NKAIN3: variants seen among roughly 807,000 people sequenced by gnomAD.
NKAIN3 encodes the protein sodium/potassium transporting ATPase interacting 3.
In NKAIN3, 25 loss-of-function variants were observed where a neutral mutation model predicts 30.2. The ratio of observed to expected loss-of-function variants is 0.83; its 90% confidence interval spans 0.60 to 1.16. The LOEUF (loss-of-function observed/expected upper bound fraction) is 1.16. Ranked by LOEUF, NKAIN3 falls within the 50% of genes most tolerant of loss-of-function variation. The pLI is 0.00. For missense variants in NKAIN3, 225 were observed against 254.1 expected, an observed-to-expected ratio of 0.89 and a Z score of 0.78; for synonymous variants, 91 against 89.6, an observed-to-expected ratio of 1.02 and a Z score of -0.09.
chr8:62,442,609 T>C (rs903895334), intron 1 of NKAIN3, among the ~76,000 whole-genome samples: 23 of 151,876 alleles, frequency 1.5e-4, no homozygotes, highest in African/African-American at 5.6e-4. Context: ...GCCTTTAATT[T>C]TTTTATTTTC....
intron 4 of NKAIN3, chr8:62,855,709 C>T: frequency 6.3e-7 from 1 of 1,578,744 alleles, no homozygotes; most frequent in Non-Finnish European, 8.7e-7. Context: ...TGAAGCGGAG[C>T]TTCTGAACGA....
At chr8:62,694,808 G>C (rs1374578910) in intron 3 of NKAIN3, among the ~76,000 whole-genome samples, 1 of 152,080 alleles carries the variant, frequency 6.6e-6, no homozygotes, top group African/African-American at 2.4e-5. Context: ...GAAATATGGA[G>C]TAAAGTTCAA....
chr8:62,658,089 C>T (rs1473938536), intron 3 of NKAIN3, among the ~76,000 whole-genome samples: 1 of 152,170 alleles, frequency 6.6e-6, no homozygotes, highest in African/African-American at 2.4e-5. Context: ...TAGATAATCC[C>T]AAGTACTTAT....
At chr8:62,900,792 C>G (rs979310504) in intron 4 of NKAIN3, among the ~76,000 whole-genome samples, 3 of 152,154 alleles carry the variant, frequency 2.0e-5, no homozygotes, top group Admixed American at 1.3e-4. Context: ...AAGGCTCACT[C>G]TAATAGTAGT....
chr8:62,438,481 C>T (rs540322973), intron 1 of NKAIN3, among the ~76,000 whole-genome samples: 1 of 152,304 alleles, frequency 6.6e-6, no homozygotes, highest in East Asian at 1.9e-4. Flanking sequence ...GGAATCACCT[C>T]AGGTTCCCTA....
intron 1 of NKAIN3, among the ~76,000 whole-genome samples, chr8:62,273,331 T>C (rs2129393535): frequency 6.6e-6 from 1 of 152,324 alleles, no homozygotes; most frequent in African/African-American, 2.4e-5. Context: ...TTCAACTTTG[T>C]ATCACCTAAC....
intron 1 of NKAIN3, among the ~76,000 whole-genome samples, chr8:62,539,151 T>G (rs565257476): frequency 6.6e-6 from 1 of 152,328 alleles, no homozygotes; most frequent in East Asian, 1.9e-4. Context: ...ATTCTCACAT[T>G]GGTGCTGGAA....
chr8:62,782,947 G>A (rs1383930388), intron 4 of NKAIN3, among the ~76,000 whole-genome samples: 1 of 151,734 alleles, frequency 6.6e-6, no homozygotes, highest in Non-Finnish European at 1.5e-5. Flanking sequence ...AAGAGGACTT[G>A]AAATGATATC....
intron 4 of NKAIN3, among the ~76,000 whole-genome samples, chr8:62,752,698 C>A (rs996944953): frequency 2.6e-5 from 4 of 152,096 alleles, no homozygotes; most frequent in African/African-American, 9.7e-5. Flanking sequence ...TATTTATCTC[C>A]CATTAACTAG....
At chr8:62,921,890 A>G (rs1354051105) in intron 5 of NKAIN3, among the ~76,000 whole-genome samples, 2 of 152,174 alleles carry the variant, frequency 1.3e-5, no homozygotes, top group Non-Finnish European at 2.9e-5. Flanking sequence ...AAGTGTGGAG[A>G]TAAGGTGAAA....
At chr8:62,512,141 A>C (rs1436871087) in intron 1 of NKAIN3, among the ~76,000 whole-genome samples, 3 of 152,120 alleles carry the variant, frequency 2.0e-5, no homozygotes, top group Non-Finnish European at 4.4e-5. Flanking sequence ...AGCCTGGTTT[A>C]ATGCTATATT....
intron 1 of NKAIN3, among the ~76,000 whole-genome samples, chr8:62,404,599 G>A (rs1035424841): frequency 1.3e-5 from 2 of 152,116 alleles, no homozygotes; most frequent in African/African-American, 4.8e-5. Flanking sequence ...GGACACGTTT[G>A]CTTCTTCCTT....
At chr8:62,870,682 T>TATATATAG (rs1410987091) in intron 4 of NKAIN3, among the ~76,000 whole-genome samples, 3 of 115,478 alleles carry the variant, frequency 2.6e-5, no homozygotes, top group African/African-American at 7.1e-5. Flanking sequence ...TCTATATATC[T>TATATATAG]ATATCTCTCT....
intron 4 of NKAIN3, among the ~76,000 whole-genome samples, chr8:62,752,256 T>A (rs1816305640): frequency 6.6e-6 from 1 of 152,196 alleles, no homozygotes; most frequent in Non-Finnish European, 1.5e-5. Context: ...CAATACATAC[T>A]AGTTTCACAT....
chr8:62,745,408 G>A (rs907598725), intron 3 of NKAIN3, among the ~76,000 whole-genome samples: 2 of 152,144 alleles, frequency 1.3e-5, no homozygotes, highest in African/African-American at 2.4e-5. Flanking sequence ...ATAAACAAAA[G>A]CTGACTCTGC....
At chr8:62,577,444 A>G (rs1810145831) in intron 1 of NKAIN3, among the ~76,000 whole-genome samples, 1 of 146,818 alleles carries the variant, frequency 6.8e-6, no homozygotes, top group Non-Finnish European at 1.5e-5. Flanking sequence ...CTGCTTTAAA[A>G]TAGCGTGGGT....
At position 62,975,640 on chromosome 8, in the gene NKAIN3, G is replaced by A. The variant is rs925868198; in HGVS notation, c.*10233G>A. Among the ~76,000 whole-genome samples the A allele has an allele frequency of 1.3e-5, 2 of 151,978 alleles. No individual in the cohort carries two copies. The highest frequency in any genetic ancestry group is 2.9e-5 in the Non-Finnish European group (2 of 67,976). On this transcript the variant is annotated 3_prime_UTR_variant, in exon 7 of 7. Transcript: ENST00000623646. The stretch of plus-strand genomic sequence containing the variant: ...CTCCTGTATTCATTGATTTTTTGAA[G>A]GGTTTTTCGTATCTCTTTCAGTTCT...
At chr8:62,918,299 CTT>C (rs1164655779) in intron 4 of NKAIN3, among the ~76,000 whole-genome samples, 152 bp from the exon 5 acceptor site, 1 of 152,164 alleles carries the variant, frequency 6.6e-6, no homozygotes, top group African/African-American at 2.4e-5. Context: ...TGAAAAGGCT[CTT>C]TTAAAATCAC....
At chr8:62,572,260 C>T (rs1752872437) in intron 1 of NKAIN3, among the ~76,000 whole-genome samples, 1 of 152,200 alleles carries the variant, frequency 6.6e-6, no homozygotes. Context: ...TTTGCTTAAA[C>T]ATAACAAGAG....
Sources: gnomAD v4.1 joint callset for allele counts (sites outside exome capture counted in the v4.1 genomes callset) on GRCh38, gnomAD v4.1.1 for gene constraint, MANE v1.5 for transcripts, NCBI Gene and HGNC (gene_info 2026-07-23, HGNC 2026-07-21) for gene names.